Variants in CFAP47 observed in about 807,000 individuals in gnomAD.
CFAP47 encodes the protein cilia- and flagella-associated protein 47.
A neutral mutation model predicts 148.1 loss-of-function variants in CFAP47; 29 were observed. The ratio of observed to expected loss-of-function variants is 0.20; its 90% CI spans 0.15 to 0.27. The LOEUF is 0.27. CFAP47 is among the 10% of genes least tolerant of loss of function. The pLI is 1.00. For missense variants in CFAP47, 1,872 were observed against 1,697.5 expected (o/e 1.10, Z -1.81); for synonymous variants, 664 against 577.3 (o/e 1.15, Z -2.15).
chrX:36,064,329 G>A (rs935114966), intron 26 of CFAP47, among the ~76,000 whole-genome samples: 5 of 111,707 alleles, frequency 4.5e-5, no homozygotes, highest in African/African-American at 9.7e-5. Context: ...TCTGATACAT[G>A]TGCTTAGGAT....
At chrX:36,259,826 G>A (rs1199952836) in intron 49 of CFAP47, among the ~76,000 whole-genome samples, 2 of 111,395 alleles carry the variant, frequency 1.8e-5, no homozygotes, top group Non-Finnish European at 3.8e-5. Context: ...ATTTAGCATA[G>A]TACCTGATAA....
intron 21 of CFAP47, among the ~76,000 whole-genome samples, chrX:36,010,661 T>A (rs1015968018): frequency 9.0e-6 from 1 of 111,116 alleles, no homozygotes; most frequent in African/African-American, 3.3e-5. Context: ...GGTTTCACTG[T>A]GTTAACCAGG....
chrX:36,364,914 A>C (rs1556019966), intron 61 of CFAP47, among the ~76,000 whole-genome samples: 2 of 53,393 alleles, frequency 3.7e-5, no homozygotes, highest in Admixed American at 1.8e-4. Context: ...ATATATATAT[A>C]TATATATATA....
intron 45 of CFAP47, among the ~76,000 whole-genome samples, chrX:36,214,742 C>T (rs2146891523): frequency 9.0e-6 from 1 of 110,940 alleles, no homozygotes; most frequent in Admixed American, 9.7e-5. Flanking sequence ...TCCACCTCCA[C>T]ATCTTGTCCC....
rs184727329 is a variant in CFAP47 at position 36,235,003 on chromosome X, T to A, written c.7015-931T>A. On this transcript the variant is annotated intron_variant, in intron 46 of 63. Transcript: ENST00000378653. The stretch of plus-strand genomic sequence containing the variant: ...TTTGCCTCAGAGGAGTACCCGGCCG[T>A]GTGAGGTGTCAGTCTGCCCCTACTG... 8.7e-3 allele frequency among the ~76,000 whole-genome samples: 961 copies of A among 111,090 alleles called. 12 individuals are homozygous for A. The highest frequency in any genetic ancestry group is 0.029 in the African/African-American group (900 of 30,516).
chrX:36,319,611 A>G (rs1194512548), intron 57 of CFAP47, among the ~76,000 whole-genome samples: 1 of 110,280 alleles, frequency 9.1e-6, no homozygotes, highest in Non-Finnish European at 1.9e-5. Context: ...ATGAGTCAAG[A>G]AAGATTTCAG....
chrX:35,970,006 G>C (rs1043195776), intron 10 of CFAP47, among the ~76,000 whole-genome samples: 1 of 109,314 alleles, frequency 9.1e-6, no homozygotes, highest in Admixed American at 9.9e-5. Context: ...TTGGTGTGCT[G>C]CACCCATTAA....
At chrX:36,329,997 A>G (rs1418346220) in intron 57 of CFAP47, among the ~76,000 whole-genome samples, 3 of 112,480 alleles carry the variant, frequency 2.7e-5, no homozygotes, top group African/African-American at 9.7e-5. Flanking sequence ...TAATAATTAT[A>G]TTCTTTATTT....
At chrX:36,238,842 C>T (rs1364225670) in intron 48 of CFAP47, among the ~76,000 whole-genome samples, 3 of 111,657 alleles carry the variant, frequency 2.7e-5, no homozygotes, top group Non-Finnish European at 5.6e-5. Flanking sequence ...ATACCAAATT[C>T]ATACTTTTAT....
At chrX:36,035,211 G>A (rs938680175) in intron 23 of CFAP47, among the ~76,000 whole-genome samples, 2 of 111,451 alleles carry the variant, frequency 1.8e-5, no homozygotes, top group African/African-American at 6.5e-5. Context: ...TTGCTGACAC[G>A]TTTATCACCT....
At chrX:36,195,672 G>T (rs918647745) in intron 42 of CFAP47, among the ~76,000 whole-genome samples, 1 of 111,021 alleles carries the variant, frequency 9.0e-6, no homozygotes, top group Non-Finnish European at 1.9e-5. Context: ...TACTGCCCTC[G>T]GCTATTCCCT....
At chrX:35,924,295 GTA>G (rs1935677726) in intron 1 of CFAP47, among the ~76,000 whole-genome samples, 1 of 100,900 alleles carries the variant, frequency 9.9e-6, no homozygotes, top group Non-Finnish European at 1.9e-5. Flanking sequence ...ACATGTATGT[GTA>G]CACATATGTA....
chrX:36,244,234 C>T (rs1002242221), intron 48 of CFAP47, among the ~76,000 whole-genome samples: 20 of 110,822 alleles, frequency 1.8e-4, no homozygotes, highest in African/African-American at 5.6e-4. Context: ...ACAGCTAAAG[C>T]GATGTTAAGA....
At chrX:36,164,776 GGTTT>G (rs776658346) in intron 39 of CFAP47, among the ~76,000 whole-genome samples, 4 of 111,155 alleles carry the variant, frequency 3.6e-5, no homozygotes, top group Admixed American at 9.6e-5. Flanking sequence ...TTGGTTTTCT[GGTTT>G]GTTTGTTTGT....
At chrX:36,250,639 A>G (rs1043376733) in intron 48 of CFAP47, among the ~76,000 whole-genome samples, 41 of 108,603 alleles carry the variant, frequency 3.8e-4, no homozygotes, top group Admixed American at 1.9e-3. Flanking sequence ...TTCACAATGT[A>G]TATATATATA....
intron 49 of CFAP47, among the ~76,000 whole-genome samples, chrX:36,255,789 G>A (rs1940743864): frequency 8.9e-6 from 1 of 111,905 alleles, no homozygotes; most frequent in Non-Finnish European, 1.9e-5. Flanking sequence ...ACCAATAACT[G>A]TGAGGGGGAA....
chrX:36,108,351 T>C (rs974471223), intron 33 of CFAP47, among the ~76,000 whole-genome samples: 1 of 111,433 alleles, frequency 9.0e-6, no homozygotes, highest in African/African-American at 3.3e-5. Context: ...TCCAGTTCTG[T>C]ATATCTTTCT....
At chrX:36,282,853 T>C (rs1442392167) in intron 50 of CFAP47, among the ~76,000 whole-genome samples, 1 of 112,012 alleles carries the variant, frequency 8.9e-6, no homozygotes, top group Non-Finnish European at 1.9e-5. Context: ...AATAATTTTT[T>C]ATCTCCTTCA....
intron 27 of CFAP47, among the ~76,000 whole-genome samples, chrX:36,066,885 A>G (rs1207240866): frequency 8.9e-6 from 1 of 112,046 alleles, no homozygotes; most frequent in Non-Finnish European, 1.9e-5. Flanking sequence ...GAAAAGCAGC[A>G]GAGGAAATTA....
Sources: gnomAD v4.1 joint callset for allele counts (sites outside exome capture counted in the v4.1 genomes callset) on GRCh38, gnomAD v4.1.1 for gene constraint, MANE v1.5 for transcripts, NCBI Gene and HGNC (gene_info 2026-07-23, HGNC 2026-07-21) for gene names.